Variants in ANKRD36C observed in about 807,000 individuals in gnomAD.
ANKRD36C encodes the protein ankyrin repeat domain 36C.
ANKRD36C carries 61 observed loss-of-function variants against 276.4 expected under a neutral mutation model. The observed-to-expected ratio is 0.22, with a 90% CI of 0.18 to 0.27. The LOEUF (loss-of-function observed/expected upper bound fraction) is 0.27. ANKRD36C is among the 10% of genes least tolerant of loss of function. The pLI is 1.00. For synonymous variants in ANKRD36C, 483 were observed against 680.1 expected, an observed-to-expected ratio of 0.71 and a Z score of 4.51; for missense variants, 1,447 against 2,032.3, an observed-to-expected ratio of 0.71 and a Z score of 5.54.
intron 62 of ANKRD36C, among the ~76,000 whole-genome samples, chr2:95,857,049 T>G (rs1437240562): frequency 6.6e-6 from 1 of 152,172 alleles, no homozygotes; most frequent in Non-Finnish European, 1.5e-5. Context: ...TGCTGAACTA[T>G]GTCACTAGGA....
chr2:95,912,358 C>A, intron 41 of ANKRD36C, 42 bp from the exon 44 acceptor site: 1 of 1,602,538 alleles, frequency 6.2e-7, no homozygotes, highest in African/African-American at 1.3e-5. Context: ...AGGTATGTTT[C>A]ATAGGCTTTA....
At chr2:95,986,797 A>G (rs774163634) in exon 3 of ANKRD36C, 14 of 1,611,836 alleles carry the variant, frequency 8.7e-6, no homozygotes, top group Admixed American at 1.7e-5. Context: ...AAGTTTTTCT[A>G]TCATGGATGT....
chr2:95,879,324 A>G (rs1283548823), intron 58 of ANKRD36C, among the ~76,000 whole-genome samples: 1 of 152,150 alleles, frequency 6.6e-6, no homozygotes, highest in South Asian at 2.1e-4. Context: ...GTGGTAGGAA[A>G]TGAGGATGCT....
intron 42 of ANKRD36C, among the ~76,000 whole-genome samples, chr2:95,903,470 A>G (rs1676716674): frequency 1.3e-5 from 2 of 151,322 alleles, no homozygotes; most frequent in African/African-American, 4.8e-5. Context: ...AACAAATTAA[A>G]AGGATTTACA....
At chr2:95,876,477 G>T (rs754852691) in exon 59 of ANKRD36C, 4 of 1,607,090 alleles carry the variant, frequency 2.5e-6, no homozygotes, top group Non-Finnish European at 1.7e-6. Context: ...AGCCTCTTTT[G>T]CTCTCCCTCT....
At chr2:95,885,183 A>G (rs1339265246) in intron 52 of ANKRD36C, among the ~76,000 whole-genome samples, 1 of 151,716 alleles carries the variant, frequency 6.6e-6, no homozygotes, top group Non-Finnish European at 1.5e-5. Flanking sequence ...TTTAGGAGTT[A>G]ATTAGAATTC....
At chr2:95,893,706 G>A in intron 44 of ANKRD36C, 1 of 1,605,574 alleles carries the variant, frequency 6.2e-7, no homozygotes. Flanking sequence ...CTTCAAGGCT[G>A]GTGGTTTCTG....
chr2:95,957,451 G>C (rs1180982115), intron 12 of ANKRD36C, among the ~76,000 whole-genome samples: 4 of 152,300 alleles, frequency 2.6e-5, no homozygotes, highest in Admixed American at 2.0e-4. Context: ...ATATATGTTT[G>C]GTGAATCCTA....
rs558073345 is a variant in ANKRD36C at position 95,953,239 on chromosome 2, C to T, written c.1203+700G>A. Among the ~76,000 whole-genome samples, 11 of 152,188 alleles carry T rather than the reference C, an allele frequency of 7.2e-5. No homozygotes were observed. In the East Asian group the frequency reaches 1.2e-3, roughly 16 times the overall value. On this transcript the variant is annotated intron_variant, in intron 14 of 66. Coordinates refer to ENST00000456556, the Ensembl canonical transcript of ANKRD36C. Reference sequence around the variant, plus strand: ...AATTTGAATTTCTAATATTCCACAACTTTTTAAAATTAGAGATAAGCACTT... The same window carrying T: ...AATTTGAATTTCTAATATTCCACAATTTTTTAAAATTAGAGATAAGCACTT...
In ANKRD36C at chr2:95,855,032, A is replaced by G. The variant is rs1373351222; in HGVS notation, c.4995+234T>C. ...GACTACATTATTAATGTTAGTCTAT[A>G]TTAACATTTTAAAACTTAAAATTTT... is the stretch of plus-strand genomic sequence containing the variant. On this transcript the variant is annotated intron_variant, in intron 63 of 66. Coordinates refer to ENST00000456556, the Ensembl canonical transcript of ANKRD36C. Among the ~76,000 whole-genome samples the G allele has an allele frequency of 3.3e-5, 5 of 152,332 alleles. No individual in the cohort carries two copies. The East Asian group carries it at 9.6e-4, about 29-fold the overall frequency.
In ANKRD36C at chr2:95,973,207, A is replaced by G. The variant is rs190721896; in HGVS notation, c.799+4915T>C. Among the ~76,000 whole-genome samples, 44 of 152,202 alleles carry G rather than the reference A, an allele frequency of 2.9e-4. 1 individual carries two copies. Among genetic ancestry groups the G allele is most frequent in the African/African-American group, 1.1e-3 (44 of 41,540 alleles). On this transcript the variant is annotated intron_variant, in intron 6 of 66. Transcript: ENST00000456556. ...GGCGGGCGGATCACAAGGTCAGGAG[A>G]TGGAGACCATCCTGGCTAACACGGT...
exon 54 of ANKRD36C, chr2:95,884,174 T>C (rs1281094166): frequency 1.2e-6 from 2 of 1,606,428 alleles, no homozygotes; most frequent in Admixed American, 1.7e-5. Flanking sequence ...CAAAATTACC[T>C]GTCCCAGATT....
At chr2:95,951,502 A>C in intron 14 of ANKRD36C, 94 bp from the exon 15 acceptor site, 1 of 964,282 alleles carries the variant, frequency 1.0e-6, no homozygotes. Flanking sequence ...CAGGAAAAGT[A>C]TGGACATTGA....
At chr2:95,903,010 C>T in intron 42 of ANKRD36C, 43 bp downstream of exon 53, 1 of 1,571,484 alleles carries the variant, frequency 6.4e-7, no homozygotes, top group Non-Finnish European at 8.6e-7. Flanking sequence ...GCTTCATAGA[C>T]TATACATTTA....
At position 95,913,895 on chromosome 2, in the gene ANKRD36C, G is replaced by A. The variant is rs144283389; in HGVS notation, c.2551+213C>T. Among the ~76,000 whole-genome samples, 494 of 151,496 alleles carry A rather than the reference G, an allele frequency of 3.3e-3. 1 individual carries two copies. Among genetic ancestry groups the A allele is most frequent in the Non-Finnish European group, 5.4e-3 (366 of 67,596 alleles). ...CTGCTCTCCATATTTCTTCTTCCCA[G>A]TTTCAATGTGGGGAAATGTATAATC... is the stretch of plus-strand genomic sequence containing the variant. On this transcript the variant is annotated intron_variant, in intron 40 of 66. Transcript: ENST00000456556.
At chr2:95,980,153 G>A (rs193139373) in intron 5 of ANKRD36C, among the ~76,000 whole-genome samples, 2 of 152,166 alleles carry the variant, frequency 1.3e-5, no homozygotes, top group East Asian at 3.9e-4. Context: ...TGATTAGAAT[G>A]TCCTTTCCCC....
At chr2:95,982,351 C>A (rs775262624) in exon 4 of ANKRD36C, 1 of 1,542,760 alleles carries the variant, frequency 6.5e-7, no homozygotes, top group Non-Finnish European at 8.7e-7. Context: ...GGAACAGTGG[C>A]GGATATTCAT....
intron 24 of ANKRD36C, among the ~76,000 whole-genome samples, chr2:95,933,795 C>A (rs1489709871): frequency 1.3e-5 from 2 of 152,292 alleles, no homozygotes; most frequent in African/African-American, 4.8e-5. Context: ...CTGGCCAGAA[C>A]TTCCAATACT....
chr2:95,887,883 A>C (rs1212209443), intron 50 of ANKRD36C, 42 bp downstream of exon 70: 1 of 1,549,736 alleles, frequency 6.5e-7, no homozygotes, highest in Non-Finnish European at 8.7e-7. Context: ...GTACTTTTCT[A>C]TCTGGACTGA....
Sources: gnomAD v4.1 joint callset for allele counts (sites outside exome capture counted in the v4.1 genomes callset) on GRCh38, gnomAD v4.1.1 for gene constraint, MANE v1.5 for transcripts, NCBI Gene and HGNC (gene_info 2026-07-23, HGNC 2026-07-21) for gene names.